The following NECAB1 variants were observed in gnomAD, a reference collection of about 807,000 sequenced individuals.
NECAB1 encodes the protein N-terminal EF-hand calcium binding protein 1, also known as N-terminal EF-hand calcium-binding protein 1.
A neutral mutation model predicts 57.5 loss-of-function variants in NECAB1; 29 were observed. The observed-to-expected ratio is 0.50, with a 90% CI of 0.38 to 0.69. NECAB1 has a LOEUF of 0.69. Ranked by LOEUF, NECAB1 falls within the 30% of genes least tolerant of loss-of-function variation. The probability of loss-of-function intolerance (pLI) is 0.00; values close to 1 mark genes in which losing one functional copy is unlikely to be tolerated. For missense variants in NECAB1, 372 were observed against 413.8 expected (o/e 0.90, Z 0.88); for synonymous variants, 142 against 147.7 (o/e 0.96, Z 0.28).
At chr8:90,830,358 C>T (rs906537050) in intron 3 of NECAB1, among the ~76,000 whole-genome samples, 2 of 151,916 alleles carry the variant, frequency 1.3e-5, no homozygotes, top group African/African-American at 4.8e-5. Flanking sequence ...AGGTACTCAG[C>T]TAAGCAAGTG....
chr8:90,958,430 A>G lies in NECAB1; in HGVS notation c.*2918A>G, dbSNP rs967927052. 1 of 151,570 alleles carries G rather than the reference A, an allele frequency of 6.6e-6. No individual in the cohort carries two copies. The highest frequency in any genetic ancestry group is 1.5e-5 in the Non-Finnish European group (1 of 67,674). The allele number at this position is 151,570 out of a possible 1,614,324, so 9.4% of individuals were successfully genotyped here. On this transcript the variant is annotated 3_prime_UTR_variant, in exon 13 of 13. Transcript: ENST00000417640. ...TGAATTTAAGACCATATTATTATCA[A>G]AAACCTAGAGACCAATCATATATCT...
intron 3 of NECAB1, among the ~76,000 whole-genome samples, chr8:90,857,833 C>T (rs1812821442): frequency 6.6e-6 from 1 of 152,054 alleles, no homozygotes; most frequent in Non-Finnish European, 1.5e-5. Flanking sequence ...AATTCTCATA[C>T]ATTAGTTATT....
intron 3 of NECAB1, among the ~76,000 whole-genome samples, chr8:90,853,204 G>T (rs1047909730): frequency 6.6e-6 from 1 of 152,234 alleles, no homozygotes; most frequent in Non-Finnish European, 1.5e-5. Context: ...GGGTCTGAGT[G>T]AGTGGAGGTA....
chr8:90,799,451 G>C (rs138576449), intron 1 of NECAB1, among the ~76,000 whole-genome samples: 2 of 152,048 alleles, frequency 1.3e-5, no homozygotes, highest in South Asian at 2.1e-4. Context: ...GTCTTATATC[G>C]AAATTTTTAA....
chr8:90,939,898 G>A, intron 9 of NECAB1, among the ~76,000 whole-genome samples: 1 of 152,226 alleles, frequency 6.6e-6, no homozygotes, highest in East Asian at 1.9e-4. Context: ...GTATTACTGT[G>A]GAAGTTATTT....
At chr8:90,896,632 C>A (rs1168730824) in intron 5 of NECAB1, among the ~76,000 whole-genome samples, 1 of 151,392 alleles carries the variant, frequency 6.6e-6, no homozygotes, top group Non-Finnish European at 1.5e-5. Flanking sequence ...AAAACAAAAA[C>A]AAAAAAAACA....
chr8:90,889,677 T>A (rs1379570714), intron 5 of NECAB1, among the ~76,000 whole-genome samples: 2 of 152,234 alleles, frequency 1.3e-5, no homozygotes, highest in Non-Finnish European at 2.9e-5. Context: ...GGCTTCCATT[T>A]GTCACCACAT....
At chr8:90,846,848 A>G (rs909741827) in intron 3 of NECAB1, among the ~76,000 whole-genome samples, 1 of 152,130 alleles carries the variant, frequency 6.6e-6, no homozygotes, top group Non-Finnish European at 1.5e-5. Flanking sequence ...CCTGCCCCCA[A>G]TGATTCAATT....
At chr8:90,891,870 T>G (rs1809182189) in intron 5 of NECAB1, among the ~76,000 whole-genome samples, 1 of 151,990 alleles carries the variant, frequency 6.6e-6, no homozygotes, top group Admixed American at 6.6e-5. Flanking sequence ...ATTTTTGTAT[T>G]TTTAGTAGAG....
intron 1 of NECAB1, among the ~76,000 whole-genome samples, chr8:90,797,143 A>C (rs1339411890): frequency 6.6e-6 from 1 of 152,162 alleles, no homozygotes; most frequent in Non-Finnish European, 1.5e-5. Flanking sequence ...GAATCCTCAA[A>C]ATCCCCTCTA....
chr8:90,874,319 C>T (rs1808675632), intron 4 of NECAB1, among the ~76,000 whole-genome samples: 1 of 151,974 alleles, frequency 6.6e-6, no homozygotes, highest in African/African-American at 2.4e-5. Flanking sequence ...AATTCTGAGG[C>T]TTTTACTTAA....
chr8:90,892,060 T>C (rs1471309789), intron 5 of NECAB1, among the ~76,000 whole-genome samples: 1 of 152,164 alleles, frequency 6.6e-6, no homozygotes, highest in African/African-American at 2.4e-5. Context: ...AGGCCAAGAA[T>C]TTTTGGTTTA....
intron 4 of NECAB1, among the ~76,000 whole-genome samples, chr8:90,876,335 C>T (rs370758126): frequency 4.9e-4 from 75 of 152,262 alleles, no homozygotes; most frequent in Admixed American, 2.1e-3. Context: ...ATTTCTAGAT[C>T]TGACTGACCT....
At chr8:90,917,459 T>A in intron 5 of NECAB1, 33 bp from the exon 6 acceptor site, 1 of 1,557,828 alleles carries the variant, frequency 6.4e-7, no homozygotes, top group Non-Finnish European at 8.7e-7. Context: ...TTTTCTACCA[T>A]ACTTCTAATT....
At chr8:90,852,296 TTCAG>T (rs1407088113) in intron 3 of NECAB1, among the ~76,000 whole-genome samples, 1 of 152,134 alleles carries the variant, frequency 6.6e-6, no homozygotes, top group Non-Finnish European at 1.5e-5. Flanking sequence ...CCCTGAAAAG[TTCAG>T]TAACTTGCCC....
At position 90,930,678 on chromosome 8, in the gene NECAB1, T is replaced by C. The variant is rs988020026; in HGVS notation, c.693+2379T>C. ...GGTGCCTTTATTTGTTAAATTTATA[T>C]TGAACACTTACTGGAGCAAATACTT... is the stretch of plus-strand genomic sequence containing the variant. On this transcript the variant is annotated intron_variant, in intron 8 of 12. Transcript: ENST00000417640. Among the ~76,000 whole-genome samples the C allele has an allele frequency of 3.3e-5, 5 of 152,208 alleles. No homozygotes were observed. The East Asian group carries it at 9.6e-4, about 29-fold the overall frequency.
chr8:90,844,064 C>A, intron 3 of NECAB1, among the ~76,000 whole-genome samples: 1 of 152,080 alleles, frequency 6.6e-6, no homozygotes, highest in East Asian at 1.9e-4. Flanking sequence ...TTTCCTGTAA[C>A]TCAATTTCCA....
chr8:90,901,297 T>C lies in NECAB1; in HGVS notation c.358-16195T>C, dbSNP rs147024174. Among the ~76,000 whole-genome samples the C allele has an allele frequency of 1.8e-3, 267 of 152,066 alleles. 2 individuals carry two copies. Among genetic ancestry groups the C allele is most frequent in the Middle Eastern group, 0.01 (3 of 294 alleles). On this transcript the variant is annotated intron_variant, in intron 5 of 12. Transcript: ENST00000417640. ...GCCTTTTTGCTACTCTCAGCTTAAA[T>C]AGATGATGTTTCCTTTCCTTTTTTA...
chr8:90,819,368 G>T (rs1279032184), intron 2 of NECAB1, among the ~76,000 whole-genome samples: 1 of 151,896 alleles, frequency 6.6e-6, no homozygotes, highest in Non-Finnish European at 1.5e-5. Context: ...GTGAATTTTT[G>T]TGTGTGTGAA....
Sources: gnomAD v4.1 joint callset for allele counts (sites outside exome capture counted in the v4.1 genomes callset) on GRCh38, gnomAD v4.1.1 for gene constraint, MANE v1.5 for transcripts, NCBI Gene and HGNC (gene_info 2026-07-23, HGNC 2026-07-21) for gene names.